Variants in PDE4D observed in about 807,000 individuals in gnomAD.
PDE4D encodes the protein phosphodiesterase 4D, also known as 3',5'-cyclic-AMP phosphodiesterase 4D.
PDE4D carries 24 observed loss-of-function variants against 87.4 expected under a neutral mutation model. That is an observed-to-expected ratio of 0.27 (90% CI 0.20 to 0.39). The LOEUF (loss-of-function observed/expected upper bound fraction) is 0.39. PDE4D is among the 10% of genes least tolerant of loss of function. The probability of loss-of-function intolerance (pLI) is 1.00; values close to 1 mark genes in which losing one functional copy is unlikely to be tolerated. For synonymous variants in PDE4D, 384 were observed against 383.2 expected, an observed-to-expected ratio of 1.00 and a Z score of -0.02; for missense variants, 714 against 1,041.0, an observed-to-expected ratio of 0.69 and a Z score of 4.32.
chr5:60,220,617 A>G (rs1406169450), intron 1 of PDE4D, among the ~76,000 whole-genome samples: 1 of 152,138 alleles, frequency 6.6e-6, no homozygotes, highest in East Asian at 1.9e-4. Flanking sequence ...ATGACTTACA[A>G]TTCCATGAGG....
chr5:60,009,697 A>C (rs1764830385), intron 2 of PDE4D, among the ~76,000 whole-genome samples: 1 of 152,116 alleles, frequency 6.6e-6, no homozygotes, highest in African/African-American at 2.4e-5. Context: ...CTCTGTTCAC[A>C]GCATTTAAAA....
intron 1 of PDE4D, among the ~76,000 whole-genome samples, chr5:59,730,131 A>G (rs916019856): frequency 6.6e-6 from 1 of 152,072 alleles, no homozygotes; most frequent in African/African-American, 2.4e-5. Context: ...TCTAAATGAT[A>G]CTGCAGACCT....
intron 2 of PDE4D, among the ~76,000 whole-genome samples, chr5:60,059,732 C>G (rs748029507): frequency 4.6e-5 from 7 of 151,998 alleles, no homozygotes; most frequent in African/African-American, 1.7e-4. Context: ...GAAATAGCCA[C>G]TATCCAACCC....
At chr5:59,633,888 A>G (rs965315115) in intron 1 of PDE4D, among the ~76,000 whole-genome samples, 6 of 152,190 alleles carry the variant, frequency 3.9e-5, no homozygotes, top group African/African-American at 1.4e-4. Flanking sequence ...ATACATAACA[A>G]TATTAACCTT....
chr5:60,152,937 A>G (rs548395027), intron 2 of PDE4D, among the ~76,000 whole-genome samples: 1 of 152,116 alleles, frequency 6.6e-6, no homozygotes, highest in Non-Finnish European at 1.5e-5. Context: ...GATTTTATTT[A>G]TTTGAGTTTT....
intron 3 of PDE4D, among the ~76,000 whole-genome samples, chr5:59,966,088 C>A (rs1430766088): frequency 1.2e-4 from 18 of 152,276 alleles, no homozygotes; most frequent in African/African-American, 4.1e-4. Flanking sequence ...TCATCTGTTA[C>A]CCCCACCTCT....
At chr5:59,129,769 A>G (rs1257693959) in intron 5 of PDE4D, among the ~76,000 whole-genome samples, 1 of 152,108 alleles carries the variant, frequency 6.6e-6, no homozygotes, top group Non-Finnish European at 1.5e-5. Flanking sequence ...TGCTGGTTTT[A>G]GAGTCAGACA....
exon 3 of PDE4D, chr5:59,988,692 C>G: frequency 1.3e-6 from 2 of 1,597,160 alleles, no homozygotes; most frequent in Non-Finnish European, 1.7e-6. Context: ...CTCTTCATTA[C>G]TGGAATGTAG....
At chr5:59,851,467 A>T (rs1455380436) in intron 1 of PDE4D, among the ~76,000 whole-genome samples, 2 of 152,048 alleles carry the variant, frequency 1.3e-5, no homozygotes, top group African/African-American at 4.8e-5. Context: ...TGTTAGACAG[A>T]TTCTAAGATT....
chr5:59,215,823 G>A lies in PDE4D; in HGVS notation c.601C>T (p.Leu201Phe). Reference sequence around the variant, plus strand: ...TTCCGGGACATAGACTTTGGAGAGAGGTCATAATCGCTGTCGGATCGATAC... The same window carrying A: ...TTCCGGGACATAGACTTTGGAGAGAAGTCATAATCGCTGTCGGATCGATAC... ...FLYRSDSDYD[L>F]SPKSMSRNSS... The change falls in exon 2 of 15, where the codon CTC (leucine) becomes TTC (phenylalanine). Residue 201 changes from leucine (L) to phenylalanine (F), a missense_variant. Physicochemically the swap from Leu to Phe is conservative, Grantham distance 22. Coordinates refer to ENST00000340635, the MANE Select transcript of PDE4D (RefSeq NM_001104631.2). The A allele has an allele frequency of 6.2e-7, 1 of 1,613,634 alleles. No homozygotes were observed. Among genetic ancestry groups the A allele is most frequent in the East Asian group, 2.2e-5 (1 of 44,866 alleles).
chr5:60,077,257 T>A (rs1773399625), intron 2 of PDE4D, among the ~76,000 whole-genome samples: 1 of 152,186 alleles, frequency 6.6e-6, no homozygotes, highest in African/African-American at 2.4e-5. Flanking sequence ...TATGGTAGGA[T>A]GCATGCATGC....
At chr5:59,704,141 A>G (rs1753025492) in intron 1 of PDE4D, among the ~76,000 whole-genome samples, 1 of 152,200 alleles carries the variant, frequency 6.6e-6, no homozygotes, top group African/African-American at 2.4e-5. Flanking sequence ...TGTCAACACT[A>G]TGGAGCACAT....
At chr5:59,700,522 C>T (rs1752415889) in intron 1 of PDE4D, among the ~76,000 whole-genome samples, 1 of 152,154 alleles carries the variant, frequency 6.6e-6, no homozygotes, top group Non-Finnish European at 1.5e-5. Flanking sequence ...ACGTAGATTT[C>T]ACACCTAATA....
chr5:59,728,437 C>T (rs1257378702), intron 1 of PDE4D, among the ~76,000 whole-genome samples: 1 of 152,044 alleles, frequency 6.6e-6, no homozygotes, highest in Non-Finnish European at 1.5e-5. Context: ...TCTACCCTGA[C>T]GTTGTTCTTT....
At chr5:59,291,085 T>C in intron 1 of PDE4D, among the ~76,000 whole-genome samples, 1 of 152,046 alleles carries the variant, frequency 6.6e-6, no homozygotes, top group Non-Finnish European at 1.5e-5. Context: ...GCTAAGTACA[T>C]ACCCAAAAGA....
chr5:59,146,002 C>T (rs1778592912), intron 5 of PDE4D, among the ~76,000 whole-genome samples: 1 of 152,140 alleles, frequency 6.6e-6, no homozygotes, highest in East Asian at 1.9e-4. Context: ...TGACATACGC[C>T]TGTAGTCCCA....
At chr5:59,413,981 A>T (rs1793166994) in intron 1 of PDE4D, among the ~76,000 whole-genome samples, 1 of 152,210 alleles carries the variant, frequency 6.6e-6, no homozygotes, top group Non-Finnish European at 1.5e-5. Flanking sequence ...GAATTCTATT[A>T]TGCATTTGTT....
chr5:59,100,421 T>C (rs2910641), intron 5 of PDE4D, among the ~76,000 whole-genome samples: 131,132 of 152,210 alleles, frequency 0.86, 56,905 homozygotes, highest in African/African-American at 0.96. Context: ...TTCCAAATGG[T>C]CTCCAAGGTA....
intron 5 of PDE4D, among the ~76,000 whole-genome samples, chr5:59,119,119 A>G (rs1013174312): frequency 7.9e-5 from 12 of 152,176 alleles, no homozygotes; most frequent in African/African-American, 2.4e-5. Flanking sequence ...CTTAATTCAA[A>G]TGTTCTTCCT....
Sources: gnomAD v4.1 joint callset for allele counts (sites outside exome capture counted in the v4.1 genomes callset) on GRCh38, gnomAD v4.1.1 for gene constraint, MANE v1.5 for transcripts, NCBI Gene and HGNC (gene_info 2026-07-23, HGNC 2026-07-21) for gene names.